The following PIP4K2C variants were observed in gnomAD, a reference collection of about 807,000 sequenced individuals.
The protein encoded by PIP4K2C is phosphatidylinositol 5-phosphate 4-kinase type-2 gamma.
Under a neutral mutation model 45.0 loss-of-function variants are expected in PIP4K2C, and 21 were observed. That is an observed-to-expected ratio of 0.47 (90% confidence interval 0.33 to 0.67). PIP4K2C has a LOEUF of 0.67. Among genes scored for constraint, PIP4K2C ranks in the 30% least tolerant of loss-of-function variants. The pLI, the probability that PIP4K2C is intolerant of heterozygous loss-of-function variation, is 0.02. For synonymous variants in PIP4K2C, 201 were observed against 204.8 expected, an observed-to-expected ratio of 0.98 and a Z score of 0.16; for missense variants, 456 against 542.8, an observed-to-expected ratio of 0.84 and a Z score of 1.59.
intron 2 of PIP4K2C, 66 bp downstream of exon 2, chr12:57,594,188 A>G: frequency 7.9e-7 from 1 of 1,260,404 alleles, no homozygotes; most frequent in Non-Finnish European, 1.1e-6. Flanking sequence ...TAATTTTAAA[A>G]GTTTCAGTGA....
At chr12:57,598,482 C>T (rs926696430) in intron 4 of PIP4K2C, among the ~76,000 whole-genome samples, 4 of 145,716 alleles carry the variant, frequency 2.7e-5, no homozygotes, top group African/African-American at 1.0e-4. Flanking sequence ...CTAGATTGTG[C>T]CACTGCACTT....
chr12:57,597,815 G>A (rs1883256594), intron 4 of PIP4K2C: 2 of 152,060 alleles, frequency 1.3e-5, no homozygotes, highest in African/African-American at 4.8e-5. Context: ...TGAGGATGAG[G>A]AGACTTTTAA....
chr12:57,601,465 G>T (rs1438533172), intron 9 of PIP4K2C, 61 bp from the exon 10 acceptor site: 2 of 1,540,382 alleles, frequency 1.3e-6, no homozygotes, highest in South Asian at 2.2e-5. Flanking sequence ...TAGATTGGGT[G>T]GGGGTGATGG....
chr12:57,593,331 G>A (rs911315697), intron 1 of PIP4K2C, among the ~76,000 whole-genome samples: 2 of 152,202 alleles, frequency 1.3e-5, no homozygotes, highest in African/African-American at 4.8e-5. Flanking sequence ...GGGGGCCGAG[G>A]AGAGCATGTG....
intron 1 of PIP4K2C, among the ~76,000 whole-genome samples, chr12:57,592,322 G>A (rs1268947583): frequency 6.6e-6 from 1 of 152,168 alleles, no homozygotes; most frequent in African/African-American, 2.4e-5. Flanking sequence ...CGTCAGGTCT[G>A]GAGTGGGAGA....
At chr12:57,591,578 G>A (rs1882960378) in intron 1 of PIP4K2C, 115 bp downstream of exon 1, 1 of 1,265,510 alleles carries the variant, frequency 7.9e-7, no homozygotes. Flanking sequence ...CCTCCCCCGG[G>A]TTGTCTTGGT....
At position 57,599,426 on chromosome 12, in the gene PIP4K2C, C is replaced by T. The variant is rs373086432; in HGVS notation, c.687C>T (p.Ser229=). The T allele has an allele frequency of 2.7e-5, 44 of 1,613,274 alleles. No individual in the cohort carries two copies. Among genetic ancestry groups the T allele is most frequent in the Admixed American group, 1.2e-4 (7 of 59,942 alleles). The change falls in exon 6 of 10, where the codon AGC becomes AGT. Residue 229 remains serine, a synonymous_variant. Transcript: ENST00000354947. ...LKGSLVSREA[S]DKEKVKELPT... is the part of the protein sequence containing the mutation. ...GTTCCCTAGTGTCCCGGGAAGCCAGCGATAAGGAAAAGGTGATAGTAATTT... is the reference window on the plus strand; with the variant it reads ...GTTCCCTAGTGTCCCGGGAAGCCAGTGATAAGGAAAAGGTGATAGTAATTT...
chr12:57,600,910 G>A lies in PIP4K2C; in HGVS notation c.913G>A (p.Asp305Asn), dbSNP rs534917147. 1 of 1,614,214 alleles carries A rather than the reference G, an allele frequency of 6.2e-7. No homozygotes were observed. Among genetic ancestry groups the A allele is most frequent in the Non-Finnish European group, 8.5e-7 (1 of 1,180,040 alleles). ...AGAGGAGGAAGCGCCCGTGCGGGAGGATGAGTCAGAGGTGGATGGGGACTG... is the reference window on the plus strand; with the variant it reads ...AGAGGAGGAAGCGCCCGTGCGGGAGAATGAGTCAGAGGTGGATGGGGACTG... Reference protein sequence around the residue: ...EPEEEAPVREDESEVDGDCSL... With the variant: ...EPEEEAPVRENESEVDGDCSL... Residue 305 changes from aspartate (D) to asparagine (N), a missense_variant, in exon 8 of 10, where the codon GAT becomes AAT. Physicochemically the swap from Asp to Asn is conservative, Grantham distance 23. Around this residue, in one of 2 missense-constraint regions of PIP4K2C, gnomAD observed 421 missense variants for 473.1 expected, o/e 0.89. Transcript: ENST00000354947.
chr12:57,595,265 C>A, intron 3 of PIP4K2C, 43 bp downstream of exon 3: 1 of 1,216,672 alleles, frequency 8.2e-7, no homozygotes, highest in Non-Finnish European at 1.2e-6. Flanking sequence ...TTCTCCCCAG[C>A]AACTGAGGAG....
chr12:57,601,031 G>C lies in PIP4K2C; in HGVS notation c.1034G>C (p.Gly345Ala). ...CATTCCCATCGGCCCCTGGGCCCAG[G>C]AGAGTTTGAGTCCTTCATTGATGTC... ...YIHSHRPLGP[G>A]EFESFIDVYA... The change falls in exon 8 of 10, where the codon GGA becomes GCA. Residue 345 changes from glycine to alanine, a missense_variant. By Grantham distance (60) the Gly-to-Ala change is moderately conservative (BLOSUM62 0). Transcript: ENST00000354947. The C allele has an allele frequency of 6.2e-7, 1 of 1,614,018 alleles. No individual in the cohort carries two copies. Among genetic ancestry groups the C allele is most frequent in the South Asian group, 1.1e-5 (1 of 91,092 alleles).
chr12:57,597,445 G>C (rs1594939812), intron 4 of PIP4K2C, among the ~76,000 whole-genome samples: 1 of 152,210 alleles, frequency 6.6e-6, no homozygotes, highest in East Asian at 1.9e-4. Context: ...AGAAAGTTCT[G>C]ATTTGGACAT....
chr12:57,599,150 T>C lies in PIP4K2C; in HGVS notation c.599T>C (p.Met200Thr), dbSNP rs749158138. Residue 200 changes from methionine to threonine, a missense_variant, in exon 5 of 10, where the codon ATG (methionine) becomes ACG (threonine). By Grantham distance (81) the Met-to-Thr change is moderately conservative. Around this residue, in one of 2 missense-constraint regions of PIP4K2C, gnomAD observed 421 missense variants for 473.1 expected, o/e 0.89. Transcript: ENST00000354947. ...AGTGTGGACAACGAAGACAGCTACA[T>C]GCTTGTGATGCGCAATATGTTTAGC... ...RVSVDNEDSY[M>T]LVMRNMFSHR... 9 of 1,614,110 alleles carry C rather than the reference T, an allele frequency of 5.6e-6. No individual in the cohort carries two copies. The highest frequency in any genetic ancestry group is 1.1e-5 in the South Asian group (1 of 91,090).
intron 4 of PIP4K2C, among the ~76,000 whole-genome samples, chr12:57,598,474 A>G (rs1883284909): frequency 7.0e-6 from 1 of 142,778 alleles, no homozygotes. Flanking sequence ...CAGTGAGCCT[A>G]GATTGTGCCA....
chr12:57,597,966 C>T (rs1469450595), intron 4 of PIP4K2C: 2 of 152,106 alleles, frequency 1.3e-5, no homozygotes, highest in Non-Finnish European at 2.9e-5. Context: ...AGTGATTCAA[C>T]GTGTGAATGA....
At chr12:57,595,747 C>A in intron 3 of PIP4K2C, 141 bp from the exon 4 acceptor site, 1 of 859,836 alleles carries the variant, frequency 1.2e-6, no homozygotes, top group Non-Finnish European at 1.8e-6. Flanking sequence ...TTCCTTCAGT[C>A]CACATATGGA....
chr12:57,595,598 G>T (rs1257644514), intron 3 of PIP4K2C, among the ~76,000 whole-genome samples: 1 of 151,880 alleles, frequency 6.6e-6, no homozygotes, highest in Non-Finnish European at 1.5e-5. Context: ...CGCTACTTGG[G>T]AGGCTGAGGC....
chr12:57,600,762 T>C lies in PIP4K2C; in HGVS notation c.814-49T>C, dbSNP rs377230234. 4.4e-6 allele frequency: 7 copies of C among 1,608,276 alleles called. No individual in the cohort carries two copies. The African/African-American group carries it at 6.7e-5, about 15-fold the overall frequency. On this transcript the variant is annotated intron_variant, in intron 7 of 9. Coordinates refer to ENST00000354947, the MANE Select transcript of PIP4K2C (RefSeq NM_024779.5). Reference sequence around the variant, plus strand: ...AAGGTACAGGTACAGGGGTGATACCTAGCAGTGAAGAGTGAGAGAGAGGTG... The same window carrying C: ...AAGGTACAGGTACAGGGGTGATACCCAGCAGTGAAGAGTGAGAGAGAGGTG...
At chr12:57,597,490 A>C (rs758373784) in intron 4 of PIP4K2C, among the ~76,000 whole-genome samples, 2 of 152,220 alleles carry the variant, frequency 1.3e-5, no homozygotes, top group African/African-American at 2.4e-5. Context: ...CATCCAGATG[A>C]GGATGTCCAG....
At chr12:57,595,293 A>G in intron 3 of PIP4K2C, 71 bp downstream of exon 3, 1 of 974,950 alleles carries the variant, frequency 1.0e-6, no homozygotes, top group South Asian at 1.4e-5. Context: ...TGGGACAGCC[A>G]TATTTGGAGA....
Sources: allele counts gnomAD v4.1 joint callset (sites outside exome capture counted in the v4.1 genomes callset), GRCh38; gene constraint gnomAD v4.1.1; regional missense constraint gnomAD v4.1.1; transcripts MANE v1.5; gene names NCBI Gene and HGNC (gene_info 2026-07-23, HGNC 2026-07-21).